The following ATP2B1 variants were observed in gnomAD, a reference collection of about 807,000 sequenced individuals.
ATP2B1 encodes ATPase plasma membrane Ca2+ transporting 1.
Under a neutral mutation model 124.2 loss-of-function variants are expected in ATP2B1, and 14 were observed. The observed-to-expected ratio is 0.11, with a 90% CI of 0.07 to 0.18. ATP2B1 has a LOEUF of 0.18. Ranked by LOEUF, ATP2B1 falls within the 10% of genes least tolerant of loss-of-function variation. The pLI is 1.00. For synonymous variants in ATP2B1, 449 were observed against 492.4 expected (o/e 0.91, Z 1.17); for missense variants, 763 against 1,466.1 (o/e 0.52, Z 7.83).
At chr12:89,707,224 C>T (rs954976434) in intron 1 of ATP2B1, among the ~76,000 whole-genome samples, 3 of 152,092 alleles carry the variant, frequency 2.0e-5, no homozygotes, top group African/African-American at 7.2e-5. Flanking sequence ...GTGGTGAAGG[C>T]CCTCCATTCA....
chr12:89,616,475 A>T (rs1237856714), intron 12 of ATP2B1, among the ~76,000 whole-genome samples: 1 of 152,194 alleles, frequency 6.6e-6, no homozygotes, highest in African/African-American at 2.4e-5. Context: ...CTACTAGACA[A>T]TGCTAGTCTA....
intron 1 of ATP2B1, among the ~76,000 whole-genome samples, chr12:89,697,396 T>G (rs550573005): frequency 6.6e-6 from 1 of 152,178 alleles, no homozygotes. Flanking sequence ...GGAAGGGGAC[T>G]CTTGAGTTAT....
intron 1 of ATP2B1, among the ~76,000 whole-genome samples, chr12:89,659,400 C>T (rs921470263): frequency 1.2e-4 from 18 of 151,002 alleles, no homozygotes; most frequent in Non-Finnish European, 2.2e-4. Flanking sequence ...GCACACGTAG[C>T]GGAAGACTGG....
chr12:89,691,354 A>G (rs1342791710), intron 1 of ATP2B1, among the ~76,000 whole-genome samples: 1 of 152,150 alleles, frequency 6.6e-6, no homozygotes, highest in Non-Finnish European at 1.5e-5. Flanking sequence ...CATTTTCTTT[A>G]AGGAAAGCAA....
intron 5 of ATP2B1, among the ~76,000 whole-genome samples, chr12:89,631,716 T>C (rs1167019400): frequency 6.6e-6 from 1 of 152,190 alleles, no homozygotes; most frequent in African/African-American, 2.4e-5. Flanking sequence ...GAATCAGAGA[T>C]GGGAACATGG....
chr12:89,627,706 T>G lies in ATP2B1; in HGVS notation c.939A>C (p.Gln313His), dbSNP rs1161525325. Residue 313 changes from glutamine (Q) to histidine (H), a missense_variant, in exon 7 of 21, where the codon CAA (glutamine) becomes CAC (histidine). Gln to His is a conservative substitution (Grantham distance 24). Coordinates refer to ENST00000428670, the MANE Select transcript of ATP2B1 (RefSeq NM_001366521.1). ...TGTTGCGATTCTCAATAGCTCCATCTTGTTTCTTATCTGTAGGAACAAAAT... is the reference window on the plus strand; with the variant it reads ...TGTTGCGATTCTCAATAGCTCCATCGTGTTTCTTATCTGTAGGAACAAAAT... ...EKKKEKKNKK[Q>H]DGAIENRNKA... The G allele has an allele frequency of 6.2e-7, 1 of 1,614,010 alleles. No individual in the cohort carries two copies. The highest frequency in any genetic ancestry group is 1.7e-5 in the Admixed American group (1 of 60,010).
intron 3 of ATP2B1, 24 bp from the exon 4 acceptor site, chr12:89,635,275 T>G: frequency 6.3e-7 from 1 of 1,599,742 alleles, no homozygotes; most frequent in Non-Finnish European, 8.5e-7. Flanking sequence ...AAGAAAATGC[T>G]TATCAAAAAG....
Position 89,624,357 on chromosome 12 carries a change from T to C in ATP2B1, c.1170A>G (p.Leu390=), listed in dbSNP as rs1027541989. 4 of 1,614,070 alleles carry C rather than the reference T, an allele frequency of 2.5e-6. No homozygotes were observed. Among genetic ancestry groups the C allele is most frequent in the South Asian group, 1.1e-5 (1 of 91,074 alleles). ...CCCAGAAGGTGTCAATGACAAAATATAATACTAGAATGATAACTGTGATGG... is the reference window on the plus strand; with the variant it reads ...CCCAGAAGGTGTCAATGACAAAATACAATACTAGAATGATAACTGTGATGG... ...MSAITVIILV[L]YFVIDTFWVQ... Residue 390 remains leucine (L), a synonymous_variant, in exon 9 of 21, where the codon TTA becomes TTG. Coordinates refer to ENST00000428670, the MANE Select transcript of ATP2B1 (RefSeq NM_001366521.1).
At chr12:89,617,790 T>C (rs937473736) in intron 11 of ATP2B1, among the ~76,000 whole-genome samples, 7 of 152,290 alleles carry the variant, frequency 4.6e-5, no homozygotes, top group African/African-American at 1.7e-4. Context: ...GTTTTATCAG[T>C]ACCTAAACCT....
chr12:89,642,345 T>A lies in ATP2B1; in HGVS notation c.219A>T (p.Gly73=). 1 of 1,612,134 alleles carries A rather than the reference T, an allele frequency of 6.2e-7. No homozygotes were observed. Among genetic ancestry groups the A allele is most frequent in the Non-Finnish European group, 8.5e-7 (1 of 1,179,530 alleles). Residue 73 remains glycine (G), a synonymous_variant, in exon 3 of 21, where the codon GGA becomes GGT. Coordinates refer to ENST00000428670, the MANE Select transcript of ATP2B1 (RefSeq NM_001366521.1). The part of the protein sequence containing the change: ...LKTSPNEGLS[G]NPADLERREA... ...CTCTTCTTTCTAAATCTGCAGGGTT[T>A]CCACTTAAACCTAATAAAAAGAAAC...
chr12:89,643,852 G>A (rs1884026404), intron 2 of ATP2B1, among the ~76,000 whole-genome samples: 1 of 152,200 alleles, frequency 6.6e-6, no homozygotes, highest in African/African-American at 2.4e-5. Context: ...CACTTTGGGA[G>A]GCCAAGGCAG....
chr12:89,606,008 C>A (rs1876782296), intron 15 of ATP2B1, among the ~76,000 whole-genome samples: 2 of 151,994 alleles, frequency 1.3e-5, no homozygotes, highest in East Asian at 3.9e-4. Context: ...AAGTAAAAGA[C>A]AACAAATTAT....
In ATP2B1 at chr12:89,642,177, A is replaced by T. The variant is rs1883646897; in HGVS notation, c.387T>A (p.Pro129=). The change falls in exon 3 of 21, where the codon CCT becomes CCA. Residue 129 remains proline, a synonymous_variant. Coordinates refer to ENST00000428670, the MANE Select transcript of ATP2B1 (RefSeq NM_001366521.1). ...ACTTACGTGCATTATCCCCTTCTGG[A>T]GGCTGATAAAAAGAAAGGCCCAATG... ...IVSLGLSFYQ[P]PEGDNALCGE... The T allele has an allele frequency of 6.2e-6, 10 of 1,613,242 alleles. No homozygotes were observed. Among genetic ancestry groups the T allele is most frequent in the Non-Finnish European group, 8.5e-6 (10 of 1,179,464 alleles).
rs781222780 is a variant in ATP2B1 at position 89,630,567 on chromosome 12, G to A, written c.866C>T (p.Thr289Ile). ...CTCTTCACCTCCAGCTCCAAGTAAGGTAAAGATAATTCCAGTTTGAGAATT... is the reference window on the plus strand; with the variant it reads ...CTCTTCACCTCCAGCTCCAAGTAAGATAAAGATAATTCCAGTTTGAGAATT... ...GVNSQTGIIF[T>I]LLGAGGEEEE... The change falls in exon 6 of 21, where the codon ACC becomes ATC. Residue 289 changes from threonine (T) to isoleucine (I), a missense_variant. Around this residue, in one of 7 missense-constraint regions of ATP2B1, gnomAD observed 392 missense variants for 776.6 expected, o/e 0.50. Transcript: ENST00000428670. The A allele has an allele frequency of 6.3e-7, 1 of 1,597,550 alleles. No homozygotes were observed. Among genetic ancestry groups the A allele is most frequent in the South Asian group, 1.1e-5 (1 of 88,840 alleles).
intron 2 of ATP2B1, among the ~76,000 whole-genome samples, chr12:89,648,449 G>A (rs1328827471): frequency 6.6e-6 from 1 of 152,122 alleles, no homozygotes; most frequent in Non-Finnish European, 1.5e-5. Flanking sequence ...TAAGAGTAAT[G>A]ACCTAGGGTA....
chr12:89,609,838 G>A (rs973251013), intron 15 of ATP2B1, 99 bp downstream of exon 15: 12 of 1,054,116 alleles, frequency 1.1e-5, no homozygotes, highest in Non-Finnish European at 1.7e-5. Flanking sequence ...TTGAGGGACA[G>A]TGTTTAAAAT....
At chr12:89,699,645 G>T (rs1388071301) in intron 1 of ATP2B1, among the ~76,000 whole-genome samples, 1 of 152,174 alleles carries the variant, frequency 6.6e-6, no homozygotes, top group Non-Finnish European at 1.5e-5. Context: ...CTTTTTAGTG[G>T]TGAAGATAAA....
At chr12:89,676,612 T>C (rs1307120705) in intron 1 of ATP2B1, among the ~76,000 whole-genome samples, 3 of 152,088 alleles carry the variant, frequency 2.0e-5, no homozygotes, top group African/African-American at 7.2e-5. Flanking sequence ...ATATTTCTAC[T>C]ATTGATGTTT....
At chr12:89,701,013 T>A (rs913453237) in intron 1 of ATP2B1, among the ~76,000 whole-genome samples, 3 of 152,232 alleles carry the variant, frequency 2.0e-5, no homozygotes, top group Non-Finnish European at 4.4e-5. Flanking sequence ...TACTACTCTA[T>A]GTATCACTCA....
Sources: gnomAD v4.1 joint callset for allele counts (sites outside exome capture counted in the v4.1 genomes callset) on GRCh38, gnomAD v4.1.1 for gene constraint, gnomAD v4.1.1 regional missense constraint, MANE v1.5 for transcripts, NCBI Gene and HGNC (gene_info 2026-07-23, HGNC 2026-07-21) for gene names.